The following GLYR1 variants were observed in gnomAD, a reference collection of about 807,000 sequenced individuals.
The protein encoded by GLYR1 is glyoxylate reductase 1 homolog, also known as cytokine-like nuclear factor N-PAC.
In GLYR1, 21 loss-of-function variants were observed where a neutral mutation model predicts 72.7. That is an observed-to-expected ratio of 0.29 (90% CI 0.20 to 0.42). The LOEUF (loss-of-function observed/expected upper bound fraction) is 0.42, where lower values mean the gene tolerates loss of function less well. GLYR1 is among the 10% of genes least tolerant of loss of function. The probability of loss-of-function intolerance (pLI) is 1.00; values close to 1 mark genes in which losing one functional copy is unlikely to be tolerated. For missense variants in GLYR1, 594 were observed against 712.1 expected, an observed-to-expected ratio of 0.83 and a Z score of 1.89; for synonymous variants, 392 against 270.2, an observed-to-expected ratio of 1.45 and a Z score of -4.42.
Position 4,811,717 on chromosome 16 carries a change from G to T in GLYR1, c.1368C>A (p.Thr456=). 6.2e-7 allele frequency: 1 copy of T among 1,614,162 alleles called. No homozygotes were observed. The highest frequency in any genetic ancestry group is 8.5e-7 in the Non-Finnish European group (1 of 1,180,016). Residue 456 remains threonine, a synonymous_variant, in exon 14 of 16, where the codon ACC becomes ACA. Coordinates refer to ENST00000321919, the MANE Select transcript of GLYR1 (RefSeq NM_032569.4). The part of the protein sequence containing the change: ...SFMATIAEGL[T]LAQVTGQSQQ... ...GGGACTGGCCTGTCACCTGGGCCAG[G>T]GTCAGCCCCTCGGCAATAGTGGCCA... is the stretch of plus-strand genomic sequence containing the variant.
intron 3 of GLYR1, among the ~76,000 whole-genome samples, chr16:4,835,497 T>C (rs1157857170): frequency 6.6e-6 from 1 of 152,224 alleles, no homozygotes; most frequent in Admixed American, 6.5e-5. Flanking sequence ...AATCAACTTA[T>C]TGCTGGAGAA....
intron 5 of GLYR1, among the ~76,000 whole-genome samples, chr16:4,830,962 C>CT (rs1179493758): frequency 6.6e-6 from 1 of 152,176 alleles, no homozygotes; most frequent in East Asian, 1.9e-4. Flanking sequence ...ATCTACATTT[C>CT]TAGTCCTGAG....
intron 4 of GLYR1, 59 bp downstream of exon 4, chr16:4,832,715 G>C: frequency 3.9e-6 from 6 of 1,538,104 alleles, no homozygotes; most frequent in Non-Finnish European, 5.3e-6. Flanking sequence ...TAATCTGTTA[G>C]TTGCTATGCA....
In GLYR1 at chr16:4,832,021, C is replaced by T. The variant is rs1399590166; in HGVS notation, c.495G>A (p.Glu165=). 2 of 1,614,086 alleles carry T rather than the reference C, an allele frequency of 1.2e-6. No individual in the cohort carries two copies. Among genetic ancestry groups the T allele is most frequent in the Admixed American group, 1.7e-5 (1 of 59,998 alleles). The change falls in exon 5 of 16, where the codon GAG becomes GAA. Residue 165 remains glutamate (E), a synonymous_variant. Transcript: ENST00000321919. Reference sequence around the variant, plus strand: ...GCCGACCCCGCTTCCGGGGACTTTGCTCTTGGGCTCTTTTCAGAGGGGATT... The same window carrying T: ...GCCGACCCCGCTTCCGGGGACTTTGTTCTTGGGCTCTTTTCAGAGGGGATT... ...GSKSPLKRAQ[E]QSPRKRGRPP...
chr16:4,805,449 C>G, intron 15 of GLYR1, 139 bp from the exon 16 acceptor site: 1 of 715,392 alleles, frequency 1.4e-6, no homozygotes, highest in South Asian at 1.6e-5. Context: ...CCTGTGTTGA[C>G]CTTGCATGAA....
rs1288848176 is a variant in GLYR1, at chr16:4,805,027, C to T, written c.*209G>A. 22 of 598,560 alleles carry T rather than the reference C, an allele frequency of 3.7e-5. No individual in the cohort carries two copies. The East Asian group carries it at 4.7e-4, about 13-fold the overall frequency. The allele number at this position is 598,560 out of a possible 1,614,324, so 37.1% of individuals were successfully genotyped here. Reference sequence around the variant, plus strand: ...TGCCCAGCTCAAGAGCTTTCCCACACGCCAATCCTGCTGACACTTGTCCCC... The same window carrying T: ...TGCCCAGCTCAAGAGCTTTCCCACATGCCAATCCTGCTGACACTTGTCCCC... On this transcript the variant is annotated 3_prime_UTR_variant, in exon 16 of 16. Coordinates refer to ENST00000321919, the MANE Select transcript of GLYR1 (RefSeq NM_032569.4).
chr16:4,832,400 T>C (rs1486584539), intron 4 of GLYR1, 179 bp from the exon 5 acceptor site: 5 of 733,974 alleles, frequency 6.8e-6, no homozygotes, highest in Non-Finnish European at 8.6e-6. Flanking sequence ...AAAATATATA[T>C]ATCAAAAGTC....
At chr16:4,826,136 C>A (rs567040533) in intron 5 of GLYR1, among the ~76,000 whole-genome samples, 1 of 152,262 alleles carries the variant, frequency 6.6e-6, no homozygotes, top group South Asian at 2.1e-4. Flanking sequence ...CAGCCTCAAC[C>A]ACTTGAGCTC....
At chr16:4,813,909 G>C in intron 11 of GLYR1, 71 bp from the exon 12 acceptor site, 4 of 1,171,920 alleles carry the variant, frequency 3.4e-6, no homozygotes, top group South Asian at 1.5e-5. Flanking sequence ...ACAGACCTCA[G>C]ATCAGAATCC....
intron 9 of GLYR1, among the ~76,000 whole-genome samples, chr16:4,818,139 C>T (rs899713952): frequency 1.3e-5 from 2 of 151,988 alleles, no homozygotes; most frequent in Non-Finnish European, 2.9e-5. Context: ...GGATTACAGG[C>T]GCACGCCACC....
Position 4,812,099 on chromosome 16 carries a change from G to A in GLYR1, c.1269C>T (p.Thr423=). The A allele has an allele frequency of 6.2e-7, 1 of 1,613,812 alleles. No individual in the cohort carries two copies. Among genetic ancestry groups the A allele is most frequent in the Non-Finnish European group, 8.5e-7 (1 of 1,179,860 alleles). The change falls in exon 13 of 16, where the codon ACC becomes ACT. Residue 423 remains threonine, a synonymous_variant. Coordinates refer to ENST00000321919, the MANE Select transcript of GLYR1 (RefSeq NM_032569.4). The part of the protein sequence containing the change: ...CSSCFQAMGK[T]SFFLGEVGNA... ...CAGGCGTGTTACCTAGGAAGAAGGA[G>A]GTCTTCCCCATCGCCTGGAAGCAGC...
At chr16:4,807,530 A>G (rs531421565) in intron 15 of GLYR1, among the ~76,000 whole-genome samples, 49 of 152,344 alleles carry the variant, frequency 3.2e-4, no homozygotes, top group African/African-American at 1.1e-3. Context: ...CAATACAACT[A>G]CTAAAGGTCA....
intron 15 of GLYR1, among the ~76,000 whole-genome samples, chr16:4,808,627 CATAAA>C (rs2083139136): frequency 6.7e-6 from 1 of 148,780 alleles, no homozygotes; most frequent in African/African-American, 2.6e-5. Context: ...AATAAAATAA[CATAAA>C]ATAAAAGTGT....
At chr16:4,828,745 G>A (rs981702265) in intron 5 of GLYR1, among the ~76,000 whole-genome samples, 2 of 152,056 alleles carry the variant, frequency 1.3e-5, no homozygotes, top group African/African-American at 4.8e-5. Context: ...GTGAACCTAG[G>A]AGGCACGTAC....
intron 5 of GLYR1, among the ~76,000 whole-genome samples, chr16:4,830,494 G>T (rs2084724915): frequency 6.6e-6 from 1 of 152,120 alleles, no homozygotes. Context: ...GGTCAGCTGG[G>T]GTGCCTGGCA....
intron 10 of GLYR1, among the ~76,000 whole-genome samples, chr16:4,815,326 A>G (rs1177720025): frequency 2.6e-5 from 4 of 151,642 alleles, no homozygotes; most frequent in African/African-American, 9.7e-5. Context: ...GGATGGGCCT[A>G]CTATTTTCTA....
rs1207104896 is a variant in GLYR1 at position 4,804,289 on chromosome 16, T to A, written c.*947A>T. On this transcript the variant is annotated 3_prime_UTR_variant, in exon 16 of 16. Coordinates refer to ENST00000321919, the MANE Select transcript of GLYR1 (RefSeq NM_032569.4). ...TGGGACCACTGGGAGGGGACCGAGG[T>A]AAGAGTGGCTCTTCAGAGCCAGGTG... 1 of 152,182 alleles carries A rather than the reference T, an allele frequency of 6.6e-6. No individual in the cohort carries two copies. Among genetic ancestry groups the A allele is most frequent in the Non-Finnish European group, 1.5e-5 (1 of 67,976 alleles). The allele number at this position is 152,182 out of a possible 1,614,324, so 9.4% of individuals were successfully genotyped here.
chr16:4,823,880 C>T lies in GLYR1; in HGVS notation c.565G>A (p.Val189Met), dbSNP rs777540400. The T allele has an allele frequency of 2.1e-5, 34 of 1,613,978 alleles. No individual in the cohort carries two copies. The highest frequency in any genetic ancestry group is 5.0e-5 in the Admixed American group (3 of 59,976). ...KDLTIPESSTVKGMMAGPMAA... is the reference protein window; with the variant it reads ...KDLTIPESSTMKGMMAGPMAA... Reference sequence around the variant, plus strand: ...ATCGGTCCGGCCATCATCCCCTTCACGGTACTAGACTCCGGGATGGTGAGA... The same window carrying T: ...ATCGGTCCGGCCATCATCCCCTTCATGGTACTAGACTCCGGGATGGTGAGA... The change falls in exon 6 of 16, where the codon GTG becomes ATG. Residue 189 changes from valine to methionine, a missense_variant. Val to Met is a conservative substitution (Grantham distance 21). Coordinates refer to ENST00000321919, the MANE Select transcript of GLYR1 (RefSeq NM_032569.4).
rs184133288 is a variant in GLYR1 at position 4,840,722 on chromosome 16, C to A, written c.155+4352G>T. On this transcript the variant is annotated intron_variant, in intron 3 of 15. Transcript: ENST00000321919. ...GGGTATCATCCCCTTATGTAGAGGA[C>A]ACAGAGGCTCAGAAAGGTGAAATAG... Among the ~76,000 whole-genome samples, 26 of 152,296 alleles carry A rather than the reference C, an allele frequency of 1.7e-4. No homozygotes were observed. The East Asian group carries it at 4.6e-3, about 27-fold the overall frequency.
Sources: gnomAD v4.1 joint callset for allele counts (sites outside exome capture counted in the v4.1 genomes callset) on GRCh38, gnomAD v4.1.1 for gene constraint, MANE v1.5 for transcripts, NCBI Gene and HGNC (gene_info 2026-07-23, HGNC 2026-07-21) for gene names.